ANO4: variants seen among roughly 807,000 people sequenced by gnomAD.
The protein encoded by ANO4 is anoctamin 4.
ANO4 carries 69 observed loss-of-function variants against 141.9 expected under a neutral mutation model. The observed-to-expected ratio is 0.49, with a 90% CI of 0.40 to 0.59. ANO4 has a LOEUF of 0.59. Among genes scored for constraint, ANO4 ranks in the 20% least tolerant of loss-of-function variants. The probability of loss-of-function intolerance (pLI) is 0.00; values close to 1 mark genes in which losing one functional copy is unlikely to be tolerated. For synonymous variants in ANO4, 350 were observed against 394.3 expected, an observed-to-expected ratio of 0.89 and a Z score of 1.33; for missense variants, 894 against 1,162.2, an observed-to-expected ratio of 0.77 and a Z score of 3.36.
At chr12:101,025,430 C>T (rs544908866) in intron 9 of ANO4, among the ~76,000 whole-genome samples, 1 of 152,066 alleles carries the variant, frequency 6.6e-6, no homozygotes, top group Non-Finnish European at 1.5e-5. Flanking sequence ...AAAGAAGTAC[C>T]GGAAGGCAGC....
intron 2 of ANO4, among the ~76,000 whole-genome samples, chr12:100,916,994 A>T (rs1028918410): frequency 1.3e-5 from 2 of 151,806 alleles, no homozygotes; most frequent in Admixed American, 1.3e-4. Flanking sequence ...AAAAAAAAAA[A>T]GCCTAGCTGT....
chr12:100,872,836 G>A (rs907128249), intron 1 of ANO4, among the ~76,000 whole-genome samples: 2 of 152,212 alleles, frequency 1.3e-5, no homozygotes, highest in African/African-American at 4.8e-5. Flanking sequence ...TCCTGATGTG[G>A]TTTGGATGTA....
intron 4 of ANO4, among the ~76,000 whole-genome samples, chr12:100,940,015 G>C (rs2042442491): frequency 6.6e-6 from 1 of 151,984 alleles, no homozygotes; most frequent in African/African-American, 2.4e-5. Context: ...ACTGGGTACA[G>C]GTAATAGGCA....
intron 3 of ANO4, among the ~76,000 whole-genome samples, chr12:100,760,361 AC>A (rs1462383249): frequency 6.6e-6 from 1 of 152,000 alleles, no homozygotes; most frequent in Non-Finnish European, 1.5e-5. Context: ...ATGGTGAATA[AC>A]CTCCCCAAAG....
intron 5 of ANO4, among the ~76,000 whole-genome samples, chr12:100,963,713 G>A (rs534064823): frequency 1.1e-4 from 17 of 152,274 alleles, no homozygotes; most frequent in Admixed American, 1.1e-3. Context: ...GTGCTACACA[G>A]TTGGCTAGAT....
At chr12:101,041,712 C>T (rs1207575142) in intron 11 of ANO4, among the ~76,000 whole-genome samples, 9 of 152,136 alleles carry the variant, frequency 5.9e-5, no homozygotes, top group Non-Finnish European at 8.8e-5. Flanking sequence ...CAAGGCCATG[C>T]ATAATTAGGT....
chr12:100,763,626 C>T (rs879407719), intron 3 of ANO4, among the ~76,000 whole-genome samples: 4 of 152,236 alleles, frequency 2.6e-5, no homozygotes, highest in Non-Finnish European at 5.9e-5. Flanking sequence ...TTATCTCCCC[C>T]AGTCCTGCTG....
intron 5 of ANO4, among the ~76,000 whole-genome samples, chr12:100,950,551 G>A (rs1056065966): frequency 6.6e-6 from 1 of 152,168 alleles, no homozygotes; most frequent in Non-Finnish European, 1.5e-5. Flanking sequence ...TCCTCAAGTT[G>A]TTGATGGGTG....
chr12:101,082,052 C>T (rs922395950), intron 15 of ANO4, among the ~76,000 whole-genome samples: 5 of 152,114 alleles, frequency 3.3e-5, no homozygotes, highest in African/African-American at 4.8e-5. Context: ...TAACACCCAG[C>T]GATATGGTTT....
At chr12:100,779,865 T>C (rs904927329) in intron 3 of ANO4, among the ~76,000 whole-genome samples, 2 of 152,250 alleles carry the variant, frequency 1.3e-5, no homozygotes, top group Admixed American at 6.5e-5. Context: ...GTGATCAATG[T>C]CATTGCGAAT....
At chr12:101,028,194 C>A (rs376443159) in intron 9 of ANO4, among the ~76,000 whole-genome samples, 1 of 152,060 alleles carries the variant, frequency 6.6e-6, no homozygotes, top group Non-Finnish European at 1.5e-5. Flanking sequence ...CCTCAAAGAT[C>A]GAAACTAGAC....
At chr12:100,762,752 G>A (rs139948338) in intron 3 of ANO4, among the ~76,000 whole-genome samples, 20 of 152,208 alleles carry the variant, frequency 1.3e-4, no homozygotes, top group Middle Eastern at 6.8e-3. Context: ...TTCTAATATT[G>A]ACATGTCCTG....
intron 25 of ANO4, among the ~76,000 whole-genome samples, chr12:101,120,077 G>T (rs566229216): frequency 3.9e-5 from 6 of 152,310 alleles, no homozygotes; most frequent in Non-Finnish European, 7.4e-5. Flanking sequence ...CGGATCCCAG[G>T]CCTCAAGCAG....
chr12:100,751,818 T>A (rs544188879), intron 3 of ANO4, among the ~76,000 whole-genome samples: 2 of 152,122 alleles, frequency 1.3e-5, no homozygotes, highest in Admixed American at 6.6e-5. Flanking sequence ...AAGGACACTA[T>A]TAGGGGGTGT....
intron 1 of ANO4, among the ~76,000 whole-genome samples, chr12:100,799,545 CAT>C (rs1565884485): frequency 6.6e-6 from 1 of 152,142 alleles, no homozygotes; most frequent in Non-Finnish European, 1.5e-5. Context: ...AGATCGAGAC[CAT>C]CCTGGCCAAC....
rs189003412 is a variant in ANO4, at chr12:100,850,958, A to G, written c.-140-50688A>G. On this transcript the variant is annotated intron_variant, in intron 1 of 27. Transcript: ENST00000392977. ...TTCTATATTATGCATATAACATAAC[A>G]TATTTAACCATTCTCATATTGTGGG... Among the ~76,000 whole-genome samples the G allele has an allele frequency of 3.4e-3, 518 of 152,280 alleles. 1 individual carries two copies. Among genetic ancestry groups the G allele is most frequent in the Non-Finnish European group, 5.3e-3 (362 of 68,014 alleles).
chr12:101,025,884 C>A (rs903540971), intron 9 of ANO4, among the ~76,000 whole-genome samples: 1 of 152,268 alleles, frequency 6.6e-6, no homozygotes, highest in South Asian at 2.1e-4. Flanking sequence ...ACATCCATTA[C>A]AGATAAAAAC....
chr12:100,914,065 T>A (rs1021733163), intron 2 of ANO4, among the ~76,000 whole-genome samples: 4 of 152,226 alleles, frequency 2.6e-5, no homozygotes, highest in Non-Finnish European at 5.9e-5. Context: ...TCTAGGAGAT[T>A]GGAAGACACC....
intron 16 of ANO4, among the ~76,000 whole-genome samples, chr12:101,084,893 GCTAGGGCT>G (rs1039027617): frequency 3.9e-5 from 6 of 152,288 alleles, no homozygotes; most frequent in African/African-American, 1.4e-4. Flanking sequence ...TGATAGCTGA[GCTAGGGCT>G]CTAATCTCTC....
Sources: allele counts gnomAD v4.1 joint callset (sites outside exome capture counted in the v4.1 genomes callset), GRCh38; gene constraint gnomAD v4.1.1; transcripts MANE v1.5; gene names NCBI Gene and HGNC (gene_info 2026-07-23, HGNC 2026-07-21).